FETUB: variants seen among roughly 807,000 people sequenced by gnomAD.
The protein encoded by FETUB is fetuin-B.
FETUB carries 28 observed loss-of-function variants against 30.9 expected under a neutral mutation model. The observed-to-expected ratio is 0.90, with a 90% CI of 0.67 to 1.24. The LOEUF (loss-of-function observed/expected upper bound fraction) is 1.24, where lower values mean the gene tolerates loss of function less well. Among genes scored for constraint, FETUB ranks in the 50% most tolerant of loss-of-function variants. The pLI is 0.00. For missense variants in FETUB, 469 were observed against 455.3 expected, an observed-to-expected ratio of 1.03 and a Z score of -0.27; for synonymous variants, 186 against 175.9, an observed-to-expected ratio of 1.06 and a Z score of -0.45.
chr3:186,639,761 A>G (rs1006541203), upstream of FETUB, among the ~76,000 whole-genome samples: 4 of 152,042 alleles, frequency 2.6e-5, no homozygotes, highest in East Asian at 7.7e-4. Context: ...TTAGTCTCTT[A>G]ATGAGCTTGC....
rs772332220 is a variant in FETUB, at chr3:186,652,422, A to G, written c.940A>G (p.Asn314Asp). The G allele has an allele frequency of 1.7e-5, 27 of 1,613,938 alleles. No homozygotes were observed. Among genetic ancestry groups the G allele is most frequent in the Non-Finnish European group, 2.3e-5 (27 of 1,179,956 alleles). Residue 314 changes from asparagine to aspartate, a missense_variant, in exon 7 of 7, where the codon AAT (asparagine) becomes GAT (aspartate). Transcript: ENST00000265029. ...VQYLPDLDDK[N>D]SQEKGPQEAF... ...ATATCTTCCTGACTTGGATGATAAAAATTCCCAGGAAAAGGGCCCTCAGGA... is the reference window on the plus strand; with the variant it reads ...ATATCTTCCTGACTTGGATGATAAAGATTCCCAGGAAAAGGGCCCTCAGGA...
chr3:186,639,535 C>T (rs1233735794), upstream of FETUB, among the ~76,000 whole-genome samples: 1 of 151,670 alleles, frequency 6.6e-6, no homozygotes, highest in Non-Finnish European at 1.5e-5. Context: ...CATTTTGTCT[C>T]TTTTCTCTCA....
At chr3:186,647,856 T>C (rs1294788146) in intron 5 of FETUB, among the ~76,000 whole-genome samples, 5 of 152,166 alleles carry the variant, frequency 3.3e-5, no homozygotes, top group South Asian at 4.1e-4. Flanking sequence ...GTTCTATTTA[T>C]ATATATTTTT....
chr3:186,638,077 A>G (rs1175699084), upstream of FETUB, among the ~76,000 whole-genome samples: 1 of 152,242 alleles, frequency 6.6e-6, no homozygotes, highest in African/African-American at 2.4e-5. Flanking sequence ...TTGGATTGAC[A>G]GGTTAAGCAA....
chr3:186,652,618 T>C lies in FETUB; in HGVS notation c.1136T>C (p.Val379Ala), dbSNP rs116030393. ...PGPAQNASPL[V>A]LPP ...CCAGCCCAGAATGCCAGCCCTCTTG[T>C]CCTTCCGCCATGAGAATCACACAGA... The change falls in exon 7 of 7, where the codon GTC (valine) becomes GCC (alanine). Residue 379 changes from valine (V) to alanine (A), a missense_variant. Val to Ala is a moderately conservative substitution (Grantham distance 64, BLOSUM62 0). Transcript: ENST00000265029. 1,460 of 1,605,510 alleles carry C rather than the reference T, an allele frequency of 9.1e-4. 7 individuals carry two copies. In the Middle Eastern group the frequency reaches 9.9e-3, roughly 11 times the overall value.
At chr3:186,640,998 A>T (rs1717004732) in intron 1 of FETUB, 32 bp from the exon 2 acceptor site, 2 of 1,385,928 alleles carry the variant, frequency 1.4e-6, no homozygotes, top group Non-Finnish European at 2.0e-6. Context: ...CTTCCTGTGA[A>T]ATGTATTGCA....
rs757348011 is a variant in FETUB, at chr3:186,652,687, T to C, written c.*56T>C. The stretch of plus-strand genomic sequence containing the variant: ...GTGCGCCGCATGACATGGGAGGCGA[T>C]GGGGACGATGGACAGAGACAGAGCG... On this transcript the variant is annotated 3_prime_UTR_variant, in exon 7 of 7. Coordinates refer to ENST00000265029, the MANE Select transcript of FETUB (RefSeq NM_014375.3). 1.8e-5 allele frequency: 27 copies of C among 1,528,470 alleles called. No individual in the cohort carries two copies. Among genetic ancestry groups the C allele is most frequent in the Non-Finnish European group, 2.3e-5 (26 of 1,144,328 alleles). The allele number at this position is 1,528,470 out of a possible 1,614,324, so 94.7% of individuals were successfully genotyped here. A position where few individuals can be genotyped will look rare whatever the true frequency, so the allele number is the denominator to read the frequency against.
chr3:186,649,852 C>A (rs1008540810), intron 5 of FETUB, among the ~76,000 whole-genome samples: 2 of 152,134 alleles, frequency 1.3e-5, no homozygotes, highest in Non-Finnish European at 2.9e-5. Context: ...TCCATGTATA[C>A]CCTTTCTTTA....
intron 5 of FETUB, among the ~76,000 whole-genome samples, chr3:186,650,165 G>A (rs888844543): frequency 7.8e-5 from 6 of 77,024 alleles, no homozygotes; most frequent in African/African-American, 1.0e-4. Context: ...CTTTGTTGGC[G>A]GGGGTGGGGG....
chr3:186,639,904 T>C (rs1716907479), upstream of FETUB, among the ~76,000 whole-genome samples: 1 of 152,248 alleles, frequency 6.6e-6, no homozygotes, highest in Admixed American at 6.5e-5. Flanking sequence ...TAGAACATTT[T>C]CCACCCAGAT....
At chr3:186,639,392 G>A (rs1457719912), upstream of FETUB, among the ~76,000 whole-genome samples, 2 of 152,150 alleles carry the variant, frequency 1.3e-5, no homozygotes, top group Admixed American at 1.3e-4. Flanking sequence ...TTTGAATGCA[G>A]AATCCTTGGA....
upstream of FETUB, among the ~76,000 whole-genome samples, chr3:186,638,312 C>T (rs1009990036): frequency 1.3e-5 from 2 of 152,284 alleles, no homozygotes; most frequent in African/African-American, 4.8e-5. Context: ...GAACCAAACA[C>T]AAGTGTACCT....
At chr3:186,637,166 G>C (rs1716800852), upstream of FETUB, among the ~76,000 whole-genome samples, 2 of 152,214 alleles carry the variant, frequency 1.3e-5, no homozygotes, top group Admixed American at 1.3e-4. Flanking sequence ...TTAGCACAGG[G>C]CTGGGCACAC....
At chr3:186,649,868 C>T (rs1018640968) in intron 5 of FETUB, among the ~76,000 whole-genome samples, 30 of 152,164 alleles carry the variant, frequency 2.0e-4, no homozygotes, top group African/African-American at 7.0e-4. Flanking sequence ...CTTTAGCTTC[C>T]ACTTTTAAGT....
Position 186,653,006 on chromosome 3 carries a change from A to C in FETUB, c.*375A>C. Reference sequence around the variant, plus strand: ...TGCATGAGTAAAGATACTTTCCCTAACACCGGGAGGCGTGAGCAACTAATG... The same window carrying C: ...TGCATGAGTAAAGATACTTTCCCTACCACCGGGAGGCGTGAGCAACTAATG... On this transcript the variant is annotated 3_prime_UTR_variant, in exon 7 of 7. Transcript: ENST00000265029. 6.0e-6 allele frequency: 1 copy of C among 166,298 alleles called. No homozygotes were observed. The highest frequency in any genetic ancestry group is 1.3e-5 in the Non-Finnish European group (1 of 76,524). 10.3% of individuals were successfully genotyped at this position (166,298 alleles called of 1,614,324 possible).
At chr3:186,645,217 G>A (rs1176049043) in intron 4 of FETUB, among the ~76,000 whole-genome samples, 1 of 152,102 alleles carries the variant, frequency 6.6e-6, no homozygotes. Context: ...ACCACTCACT[G>A]CTGTATTCTC....
chr3:186,652,032 T>G (rs1256105414), intron 6 of FETUB, among the ~76,000 whole-genome samples: 1 of 152,218 alleles, frequency 6.6e-6, no homozygotes, highest in Non-Finnish European at 1.5e-5. Context: ...GGGCCATTAT[T>G]CAGCTCTGAA....
At position 186,642,574 on chromosome 3, in the gene FETUB, G is replaced by A. The variant is rs113853191; in HGVS notation, c.424+16G>A. The A allele has an allele frequency of 1.2e-4, 173 of 1,465,406 alleles. No individual in the cohort carries two copies. In the African/African-American group the frequency reaches 1.4e-3, roughly 12 times the overall value. 90.8% of individuals were successfully genotyped at this position (1,465,406 alleles called of 1,614,324 possible). A position where few individuals can be genotyped will look rare whatever the true frequency, so the allele number is the denominator to read the frequency against. ...CTTCGCCCAGGTAAGAAATCACTAC[G>A]ATTTTGTTAGTTTTAATAAAGGATG... On this transcript the variant is annotated intron_variant, in intron 3 of 6. Transcript: ENST00000265029.
Position 186,651,270 on chromosome 3 carries a change from T to C in FETUB, c.749T>C (p.Val250Ala), listed in dbSNP as rs1480334981. 7.4e-6 allele frequency: 12 copies of C among 1,613,352 alleles called. No homozygotes were observed. Among genetic ancestry groups the C allele is most frequent in the Non-Finnish European group, 1.0e-5 (12 of 1,179,432 alleles). Residue 250 changes from valine (V) to alanine (A), a missense_variant, in exon 6 of 7, where the codon GTC becomes GCC. Transcript: ENST00000265029. ...SLTRTHWEKF[V>A]SVTCDFFESQ... ...ACTCGAACACACTGGGAAAAGTTTG[T>C]CTCTGTGACTTGTGACTTCTTTGAA...
Sources: allele counts gnomAD v4.1 joint callset (sites outside exome capture counted in the v4.1 genomes callset), GRCh38; gene constraint gnomAD v4.1.1; transcripts MANE v1.5; gene names NCBI Gene and HGNC (gene_info 2026-07-23, HGNC 2026-07-21).